MUC4: variants seen among roughly 807,000 people sequenced by gnomAD.
MUC4 encodes mucin 4, cell surface associated.
In MUC4, 202 loss-of-function variants were observed where a neutral mutation model predicts 257.9. That is an observed-to-expected ratio of 0.78 (90% confidence interval 0.70 to 0.88). The LOEUF (loss-of-function observed/expected upper bound fraction) is 0.88. MUC4 is among the 40% of genes least tolerant of loss of function. MUC4 has a pLI of 0.00. For missense variants in MUC4, 5,976 were observed against 6,513.7 expected (o/e 0.92, Z 2.84); for synonymous variants, 2,351 against 2,757.1 (o/e 0.85, Z 4.62).
In MUC4 at chr3:195,753,281, C is replaced by CG. The variant is rs1560222555; in HGVS notation, c.15329-52dup. ...AGCAGCGCGCAGGGCAGCAGAGGGA[C>CG]GGCCCAGCCCGTGGAAACCCGCTCC... is the stretch of plus-strand genomic sequence containing the variant. On this transcript the variant is annotated intron_variant, in intron 19 of 24. Transcript: ENST00000463781. 8 of 1,574,662 alleles carry CG rather than the reference C, an allele frequency of 5.1e-6. No homozygotes were observed. The South Asian group carries it at 9.1e-5, about 18-fold the overall frequency.
intron 19 of MUC4, 76 bp from the exon 20 acceptor site, chr3:195,753,306 C>T (rs551043387): frequency 2.0e-5 from 29 of 1,450,928 alleles, no homozygotes; most frequent in African/African-American, 2.8e-5. Flanking sequence ...AAACCCGCTC[C>T]GGGACAGGCT....
intron 19 of MUC4, chr3:195,753,897 CA>C (rs1303584465): frequency 8.8e-6 from 3 of 339,792 alleles, no homozygotes; most frequent in Non-Finnish European, 1.6e-5. Flanking sequence ...CTCCCCAAAC[CA>C]TCTTCAGTCT....
Position 195,754,926 on chromosome 3 carries a change from A to ATATGTG in MUC4, c.15169-555_15169-554insCACATA, listed in dbSNP as rs1316089362. ...GTATGTGTGTGTCATGCATGTATGC[A>ATATGTG]TGTATCCATGTATGTATCCATATGT... On this transcript the variant is annotated intron_variant, in intron 18 of 24. Transcript: ENST00000463781. Among the ~76,000 whole-genome samples, 12 of 147,542 alleles carry ATATGTG rather than the reference A, an allele frequency of 8.1e-5. No individual in the cohort carries two copies. In the South Asian group the frequency reaches 1.1e-3, roughly 13 times the overall value.
At chr3:195,799,889 G>A (rs943000600) in intron 1 of MUC4, among the ~76,000 whole-genome samples, 2 of 152,184 alleles carry the variant, frequency 1.3e-5, no homozygotes, top group Non-Finnish European at 2.9e-5. Flanking sequence ...GTGTGCAAGA[G>A]TGTGCCTGTT....
At position 195,789,955 on chromosome 3, in the gene MUC4, G is replaced by C. The variant is rs1409700174; in HGVS notation, c.1625C>G (p.Pro542Arg). 6.2e-7 allele frequency: 1 copy of C among 1,613,900 alleles called. No homozygotes were observed. Among genetic ancestry groups the C allele is most frequent in the Non-Finnish European group, 8.5e-7 (1 of 1,179,854 alleles). The change falls in exon 2 of 25, where the codon CCA (proline) becomes CGA (arginine). Residue 542 changes from proline to arginine, a missense_variant. Physicochemically the swap from Pro to Arg is moderately radical, Grantham distance 103. Around this residue, in one of 44 missense-constraint regions of MUC4, gnomAD observed 1,583 missense variants for 1,257.4 expected, o/e 1.26. Coordinates refer to ENST00000463781, the MANE Select transcript of MUC4 (RefSeq NM_018406.7). ...VPSKVSAIGE[P>R]GEPTTYSSHS... ...GGAGGAGTATGTGGTGGGCTCTCCT[G>C]GTTCCCCTATTGCTGAGACCTTAGA...
rs1436143917 is a variant in MUC4, at chr3:195,780,114, G to A, written c.11466C>T (p.Thr3822=). 7.0e-7 allele frequency: 1 copy of A among 1,435,652 alleles called. No individual in the cohort carries two copies. The highest frequency in any genetic ancestry group is 2.1e-5 in the Admixed American group (1 of 47,632). The allele number at this position is 1,435,652 out of a possible 1,614,324, so 88.9% of individuals were successfully genotyped here. A position where few individuals can be genotyped will look rare whatever the true frequency, so the allele number is the denominator to read the frequency against. ...TSLSSVSTGD[T]TPLPVTDASS... is the part of the protein sequence containing the mutation. ...AAGCGTCGGTGACAGGAAGAGGGGTGGTGTCACCTGTGGATACTGAGGAAA... is the reference window on the plus strand; with the variant it reads ...AAGCGTCGGTGACAGGAAGAGGGGTAGTGTCACCTGTGGATACTGAGGAAA... Residue 3822 remains threonine (T), a synonymous_variant, in exon 2 of 25, where the codon ACC becomes ACT. Transcript: ENST00000463781.
In MUC4 at chr3:195,765,173, G is replaced by C. The variant is rs1366906248; in HGVS notation, c.13799-51C>G. On this transcript the variant is annotated intron_variant, in intron 9 of 24. Transcript: ENST00000463781. ...GCCCAGGCTGGGGCTGCCAGGGGCG[G>C]GGTGGGAACAAGCAGGGGCTGTTTC... 9 of 1,590,132 alleles carry C rather than the reference G, an allele frequency of 5.7e-6. No individual in the cohort carries two copies. The African/African-American group carries it at 1.1e-4, about 19-fold the overall frequency.
chr3:195,754,839 T>C (rs1717249448), intron 18 of MUC4, among the ~76,000 whole-genome samples: 1 of 150,754 alleles, frequency 6.6e-6, no homozygotes, highest in Non-Finnish European at 1.5e-5. Context: ...TGTGTGTATG[T>C]ATCATGTATG....
At position 195,751,091 on chromosome 3, in the gene MUC4, C is replaced by G. The variant is rs748782951; in HGVS notation, c.15669G>C (p.Ser5223=). Residue 5223 remains serine (S), a synonymous_variant, in exon 23 of 25, where the codon TCG becomes TCC. Coordinates refer to ENST00000463781, the MANE Select transcript of MUC4 (RefSeq NM_018406.7). ...VERIDSAAPA[S]GSPIQHWMVI... ...CCATCCAGTGTTGGATGGGGCTTCCCGAGGCCGGTGCTGCAGAATCGCTGT... is the reference window on the plus strand; with the variant it reads ...CCATCCAGTGTTGGATGGGGCTTCCGGAGGCCGGTGCTGCAGAATCGCTGT... 2.2e-6 allele frequency: 3 copies of G among 1,365,618 alleles called. No homozygotes were observed. The highest frequency in any genetic ancestry group is 1.1e-5 in the South Asian group (1 of 87,780). 84.6% of individuals were successfully genotyped at this position (1,365,618 alleles called of 1,614,324 possible).
At position 195,784,057 on chromosome 3, in the gene MUC4, C is replaced by T; in HGVS notation, c.7523G>A (p.Gly2508Asp). The change falls in exon 2 of 25, where the codon GGT (glycine) becomes GAT (aspartate). Residue 2508 changes from glycine (G) to aspartate (D), a missense_variant. Physicochemically the swap from Gly to Asp is moderately conservative, Grantham distance 94 (BLOSUM62 -1). This residue lies in a region of MUC4 where 135 missense variants were observed against 114.7 expected (regional missense o/e 1.18). Coordinates refer to ENST00000463781, the MANE Select transcript of MUC4 (RefSeq NM_018406.7). ...GGTGACAGGTAGAGGGGTGGTGTGA[C>T]CTGTAGATGCTGAGGAAGGGCTGGT... ...PVTSPSSAST[G>D]HTTPLPVTDT... 2 of 1,524,680 alleles carry T rather than the reference C, an allele frequency of 1.3e-6. No homozygotes were observed. The highest frequency in any genetic ancestry group is 1.8e-6 in the Non-Finnish European group (2 of 1,133,904). 94.4% of individuals were successfully genotyped at this position (1,524,680 alleles called of 1,614,324 possible).
Position 195,747,007 on chromosome 3 carries a change from C to T in MUC4, c.*169G>A, listed in dbSNP as rs1289108559. 1 of 982,696 alleles carries T rather than the reference C, an allele frequency of 1.0e-6. No individual in the cohort carries two copies. The highest frequency in any genetic ancestry group is 1.5e-6 in the Non-Finnish European group (1 of 667,194). The allele number at this position is 982,696 out of a possible 1,614,324, so 60.9% of individuals were successfully genotyped here. A position where few individuals can be genotyped will look rare whatever the true frequency, so the allele number is the denominator to read the frequency against. On this transcript the variant is annotated 3_prime_UTR_variant, in exon 25 of 25. Coordinates refer to ENST00000463781, the MANE Select transcript of MUC4 (RefSeq NM_018406.7). ...TATGGCCTCCCCCTGTGCACCTGCGCCTATGGATAAGGTATAGTCTTGTCT... is the reference window on the plus strand; with the variant it reads ...TATGGCCTCCCCCTGTGCACCTGCGTCTATGGATAAGGTATAGTCTTGTCT...
chr3:195,791,238 A>C lies in MUC4; in HGVS notation c.342T>G (p.Ala114=), dbSNP rs764030848. Residue 114 remains alanine (A), a synonymous_variant, in exon 2 of 25, where the codon GCT becomes GCG. Coordinates refer to ENST00000463781, the MANE Select transcript of MUC4 (RefSeq NM_018406.7). The stretch of plus-strand genomic sequence containing the variant: ...ATGATGTGGTCATTTCATCTGGAGG[A>C]GCTGTCTCCATCACATTGTGTACAC... ...SPSVHNVMET[A]PPDEMTTSFP... 2 of 1,574,910 alleles carry C rather than the reference A, an allele frequency of 1.3e-6. No individual in the cohort carries two copies. The highest frequency in any genetic ancestry group is 1.7e-6 in the Non-Finnish European group (2 of 1,162,932).
At position 195,783,904 on chromosome 3, in the gene MUC4, G is replaced by A. The variant is rs1483938194; in HGVS notation, c.7676C>T (p.Thr2559Ile). 4 of 1,513,924 alleles carry A rather than the reference G, an allele frequency of 2.6e-6. No homozygotes were observed. The highest frequency in any genetic ancestry group is 2.5e-5 in the East Asian group (1 of 39,434). The allele number at this position is 1,513,924 out of a possible 1,614,324, so 93.8% of individuals were successfully genotyped here. A position where few individuals can be genotyped will look rare whatever the true frequency, so the allele number is the denominator to read the frequency against. Residue 2559 changes from threonine to isoleucine, a missense_variant, in exon 2 of 25, where the codon ACC (threonine) becomes ATC (isoleucine). Around this residue, in one of 44 missense-constraint regions of MUC4, gnomAD observed 135 missense variants for 114.7 expected, o/e 1.18. Coordinates refer to ENST00000463781, the MANE Select transcript of MUC4 (RefSeq NM_018406.7). The stretch of plus-strand genomic sequence containing the variant: ...GGAAGTGTCGGTGACAGGAAGAGAG[G>A]TGGCGTGACCTGTGGATGCTGAGGA... ...SPSSASTGHA[T>I]SLPVTDTSAA...
At chr3:195,766,147 G>C (rs1355780442) in intron 8 of MUC4, among the ~76,000 whole-genome samples, 11 of 152,124 alleles carry the variant, frequency 7.2e-5, no homozygotes, top group Non-Finnish European at 1.6e-4. Flanking sequence ...TTTTAGTAGA[G>C]ACAGAATTTC....
chr3:195,770,411 C>T, intron 5 of MUC4, 40 bp from the exon 6 acceptor site: 2 of 1,610,568 alleles, frequency 1.2e-6, no homozygotes, highest in Non-Finnish European at 1.7e-6. Flanking sequence ...CAACGAGGGT[C>T]CCACTCCTAC....
intron 20 of MUC4, 30 bp downstream of exon 20, chr3:195,753,021 G>C: frequency 6.3e-7 from 1 of 1,595,584 alleles, no homozygotes; most frequent in Non-Finnish European, 8.5e-7. Context: ...GAAGAGTGCG[G>C]GGGTGAGAGG....
Position 195,811,885 on chromosome 3 carries a change from C to T in MUC4, c.-68G>A, listed in dbSNP as rs769043966. Reference sequence around the variant, plus strand: ...GGCCCAGCAGCTGCAGTGTGAGGAGCAGACGTGAGCCCGTCCCCTCAGGCG... The same window carrying T: ...GGCCCAGCAGCTGCAGTGTGAGGAGTAGACGTGAGCCCGTCCCCTCAGGCG... On this transcript the variant is annotated 5_prime_UTR_variant, in exon 1 of 25. Coordinates refer to ENST00000463781, the MANE Select transcript of MUC4 (RefSeq NM_018406.7). 105 of 1,489,824 alleles carry T rather than the reference C, an allele frequency of 7.0e-5. No individual in the cohort carries two copies. Among genetic ancestry groups the T allele is most frequent in the Non-Finnish European group, 8.3e-5 (89 of 1,076,672 alleles). The allele number at this position is 1,489,824 out of a possible 1,614,324, so 92.3% of individuals were successfully genotyped here.
chr3:195,764,035 T>A lies in MUC4; in HGVS notation c.14044+10A>T, dbSNP rs954400844. On this transcript the variant is annotated intron_variant, in intron 11 of 24. Transcript: ENST00000463781. ...AGAGGCTCTTCCTGGGCCTGGGCCC[T>A]GTCGCTCACCGGGCTGTGGGGGCCT... 1.7e-5 allele frequency: 28 copies of A among 1,607,794 alleles called. No homozygotes were observed. The highest frequency in any genetic ancestry group is 2.4e-5 in the Non-Finnish European group (28 of 1,177,542).
intron 8 of MUC4, among the ~76,000 whole-genome samples, chr3:195,765,952 C>T (rs1451094728): frequency 1.3e-5 from 2 of 152,016 alleles, no homozygotes; most frequent in Non-Finnish European, 2.9e-5. Context: ...GACCCCCGGG[C>T]CTCTTCTTGG....
Sources: allele counts gnomAD v4.1 joint callset (sites outside exome capture counted in the v4.1 genomes callset), GRCh38; gene constraint gnomAD v4.1.1; regional missense constraint gnomAD v4.1.1; transcripts MANE v1.5; gene names NCBI Gene and HGNC (gene_info 2026-07-23, HGNC 2026-07-21).